The following GRB2 variants were observed in gnomAD, a reference collection of about 807,000 sequenced individuals.
GRB2 encodes growth factor receptor-bound protein 2.
GRB2 carries 2 observed loss-of-function variants against 27.4 expected under a neutral mutation model. The observed-to-expected ratio is 0.07, with a 90% CI of 0.03 to 0.23. GRB2 has a LOEUF of 0.23. GRB2 is among the 10% of genes least tolerant of loss of function. The pLI is 1.00. For missense variants in GRB2, 102 were observed against 282.4 expected (o/e 0.36, Z 4.58); for synonymous variants, 94 against 99.6 (o/e 0.94, Z 0.33).
At chr17:75,375,795 G>C (rs1252513603) in intron 2 of GRB2, among the ~76,000 whole-genome samples, 1 of 152,090 alleles carries the variant, frequency 6.6e-6, no homozygotes, top group African/African-American at 2.4e-5. Flanking sequence ...GGAGGCAGAG[G>C]CAGGTGGATC....
At chr17:75,354,070 AG>A (rs2078712666) in intron 2 of GRB2, among the ~76,000 whole-genome samples, 1 of 151,610 alleles carries the variant, frequency 6.6e-6, no homozygotes, top group Non-Finnish European at 1.5e-5. Flanking sequence ...AGGGTGCGTG[AG>A]GGGCAAATGT....
chr17:75,353,361 G>A (rs1176902144), intron 2 of GRB2, among the ~76,000 whole-genome samples: 10 of 151,954 alleles, frequency 6.6e-5, no homozygotes, highest in East Asian at 1.9e-4. Flanking sequence ...AAAAAAATCC[G>A]TGTATAAGCG....
intron 1 of GRB2, among the ~76,000 whole-genome samples, chr17:75,403,360 A>G (rs1027611161): frequency 6.6e-5 from 10 of 152,068 alleles, no homozygotes; most frequent in South Asian, 2.1e-4. Context: ...AACATGCAAC[A>G]TGATAACAGC....
chr17:75,336,259 T>G (rs747813037), intron 2 of GRB2, among the ~76,000 whole-genome samples: 1 of 152,168 alleles, frequency 6.6e-6, no homozygotes, highest in Non-Finnish European at 1.5e-5. Flanking sequence ...CAGGCTGGAG[T>G]AGCTGGGACT....
chr17:75,342,668 G>C, intron 2 of GRB2, among the ~76,000 whole-genome samples: 1 of 152,174 alleles, frequency 6.6e-6, no homozygotes, highest in Non-Finnish European at 1.5e-5. Context: ...AAGGAGGTAA[G>C]AGAATTAAAC....
chr17:75,376,343 T>TTAAA lies in GRB2; in HGVS notation c.78+17207_78+17208insTTTA, dbSNP rs1459173211. On this transcript the variant is annotated intron_variant, in intron 2 of 5. Coordinates refer to ENST00000316804, the MANE Select transcript of GRB2 (RefSeq NM_002086.5). ...CTGGGTGACAGACAGAGACTCTGTC[T>TTAAA]CAAAAAAAAAAAAAAAAAAAAAAAT... 1.9e-4 allele frequency among the ~76,000 whole-genome samples: 4 copies of TTAAA among 21,324 alleles called. No individual in the cohort carries two copies. The Admixed American group carries it at 3.6e-3, about 19-fold the overall frequency. The allele number at this position is 21,324 out of a possible 152,430, so 14.0% of individuals were successfully genotyped here.
intron 2 of GRB2, among the ~76,000 whole-genome samples, chr17:75,349,410 A>C (rs895179870): frequency 1.3e-5 from 2 of 152,092 alleles, no homozygotes; most frequent in Admixed American, 1.3e-4. Context: ...TAAGGCTGTA[A>C]AACCTGAGAG....
At chr17:75,378,861 G>C (rs964772880) in intron 2 of GRB2, among the ~76,000 whole-genome samples, 6 of 152,172 alleles carry the variant, frequency 3.9e-5, no homozygotes, top group African/African-American at 1.4e-4. Context: ...TGGGATATAT[G>C]ACGTGGACTA....
At chr17:75,331,705 A>C (rs2145825467) in intron 3 of GRB2, among the ~76,000 whole-genome samples, 1 of 152,288 alleles carries the variant, frequency 6.6e-6, no homozygotes, top group African/African-American at 2.4e-5. Context: ...GTTAAAAGAA[A>C]ATTTTTACAA....
In GRB2 at chr17:75,355,049, C is replaced by T. The variant is rs759912913; in HGVS notation, c.79-22252G>A. Among the ~76,000 whole-genome samples the T allele has an allele frequency of 2.0e-5, 3 of 152,288 alleles. No homozygotes were observed. In the South Asian group the frequency reaches 6.2e-4, roughly 32 times the overall value. ...TCTCGAACTCCTGACCTCAGGTGAT[C>T]CACCTGCCTTGGCCTCCCAAAGTGC... On this transcript the variant is annotated intron_variant, in intron 2 of 5. Transcript: ENST00000316804.
intron 2 of GRB2, among the ~76,000 whole-genome samples, chr17:75,366,263 C>T (rs1477336808): frequency 6.6e-6 from 1 of 152,028 alleles, no homozygotes; most frequent in Non-Finnish European, 1.5e-5. Context: ...TGAGCCAATA[C>T]ACACATAACT....
chr17:75,346,578 C>CTTTTTTT (rs775027742), intron 2 of GRB2, among the ~76,000 whole-genome samples: 5 of 68,754 alleles, frequency 7.3e-5, no homozygotes, highest in Non-Finnish European at 9.9e-5. Context: ...CTTTTCTTGC[C>CTTTTTTT]TTTTTTTTTT....
chr17:75,403,817 A>G (rs769251726), intron 1 of GRB2, among the ~76,000 whole-genome samples: 1 of 152,198 alleles, frequency 6.6e-6, no homozygotes, highest in African/African-American at 2.4e-5. Context: ...AAAGCTGATT[A>G]TAAGAATTAA....
chr17:75,342,702 C>T (rs1335334533), intron 2 of GRB2, among the ~76,000 whole-genome samples: 1 of 152,154 alleles, frequency 6.6e-6, no homozygotes, highest in Admixed American at 6.5e-5. Context: ...GTAACGTAAG[C>T]ACCCTGCCTA....
At chr17:75,365,459 A>G (rs766984069) in intron 2 of GRB2, among the ~76,000 whole-genome samples, 1 of 152,196 alleles carries the variant, frequency 6.6e-6, no homozygotes, top group Non-Finnish European at 1.5e-5. Flanking sequence ...ACTCAGAATA[A>G]ATCAGTTTTG....
chr17:75,354,820 A>AT (rs1157568476), intron 2 of GRB2, among the ~76,000 whole-genome samples: 2 of 152,248 alleles, frequency 1.3e-5, no homozygotes, highest in African/African-American at 4.8e-5. Context: ...TAGCTGATGA[A>AT]TATGAATTTT....
chr17:75,324,389 T>TTTC lies in GRB2; in HGVS notation c.299+1508_299+1509insGAA, dbSNP rs1216026344. On this transcript the variant is annotated intron_variant, in intron 4 of 5. Transcript: ENST00000316804. ...GTATTTTTTTTTTTTTTTTTTTTTTTAGTAGAGACAGGGTTTTACCATGTT... is the reference window on the plus strand; with the variant it reads ...GTATTTTTTTTTTTTTTTTTTTTTTTTTCAGTAGAGACAGGGTTTTACCATGTT... Among the ~76,000 whole-genome samples, 44 of 136,668 alleles carry TTTC rather than the reference T, an allele frequency of 3.2e-4. 1 individual carries two copies. The highest frequency in any genetic ancestry group is 1.3e-3 in the African/African-American group (43 of 33,010). 89.7% of individuals were successfully genotyped at this position (136,668 alleles called of 152,430 possible).
chr17:75,403,862 C>T (rs549185063), intron 1 of GRB2, among the ~76,000 whole-genome samples: 15 of 152,236 alleles, frequency 9.9e-5, no homozygotes, highest in African/African-American at 3.4e-4. Context: ...GCCTGTAATC[C>T]CAACACTTTG....
chr17:75,321,485 G>T (rs911661101), intron 5 of GRB2, among the ~76,000 whole-genome samples, 174 bp downstream of exon 5: 1 of 151,972 alleles, frequency 6.6e-6, no homozygotes, highest in African/African-American at 2.4e-5. Context: ...CCAGAAAAAA[G>T]AACTCTTTAG....
Sources: allele counts gnomAD v4.1 joint callset (sites outside exome capture counted in the v4.1 genomes callset), GRCh38; gene constraint gnomAD v4.1.1; transcripts MANE v1.5; gene names NCBI Gene and HGNC (gene_info 2026-07-23, HGNC 2026-07-21).